ANK2: variants seen among roughly 807,000 people sequenced by gnomAD.
ANK2 encodes ankyrin 2, also known as ankyrin-2.
A neutral mutation model predicts 360.5 loss-of-function variants in ANK2; 83 were observed. That is an observed-to-expected ratio of 0.23 (90% CI 0.19 to 0.28). The LOEUF is 0.28. ANK2 is among the 10% of genes least tolerant of loss of function. The pLI, the probability that ANK2 is intolerant of heterozygous loss-of-function variation, is 1.00. For synonymous variants in ANK2, 1,740 were observed against 1,759.5 expected (o/e 0.99, Z 0.28); for missense variants, 4,201 against 4,795.7 (o/e 0.88, Z 3.66).
intron 32 of ANK2, 76 bp from the exon 33 acceptor site, chr4:113,341,612 A>C: frequency 6.8e-7 from 1 of 1,459,972 alleles, no homozygotes; most frequent in Non-Finnish European, 9.6e-7. Flanking sequence ...TACTTTGATC[A>C]TATTGAAGGA....
intron 1 of ANK2, among the ~76,000 whole-genome samples, chr4:113,136,288 G>T (rs1479465245): frequency 2.6e-5 from 4 of 152,198 alleles, no homozygotes; most frequent in Non-Finnish European, 4.4e-5. Context: ...GCCAGGCAGG[G>T]CTTCCAAGAG....
At chr4:113,160,668 A>G (rs918930443) in intron 1 of ANK2, among the ~76,000 whole-genome samples, 4 of 152,194 alleles carry the variant, frequency 2.6e-5, no homozygotes, top group African/African-American at 9.7e-5. Context: ...TGTGCTGGAC[A>G]GTGGAAATAA....
At chr4:112,712,407 T>TATA in the ANK2 span, among the ~76,000 whole-genome samples, 85 of 42,778 alleles carry the variant, frequency 2.0e-3, 1 homozygote, top group African/African-American at 4.9e-3. Flanking sequence ...TATATATATA[T>TATA]TTTTTTTTTT....
At chr4:113,117,429 C>T (rs2094922463) in intron 1 of ANK2, 2 of 456,176 alleles carry the variant, frequency 4.4e-6, no homozygotes, top group South Asian at 3.1e-5. Flanking sequence ...GTATGAGGAG[C>T]ATCCTTTTAA....
At chr4:112,840,522 G>A (rs1002467877) in intron 1 of ANK2, among the ~76,000 whole-genome samples, 1 of 152,138 alleles carries the variant, frequency 6.6e-6, no homozygotes, top group Non-Finnish European at 1.5e-5. Flanking sequence ...TGGATGCGGG[G>A]ATAAGGGCCA....
intron 1 of ANK2, among the ~76,000 whole-genome samples, chr4:113,157,065 A>T (rs1300698496): frequency 6.6e-6 from 1 of 152,126 alleles, no homozygotes; most frequent in Non-Finnish European, 1.5e-5. Flanking sequence ...TTAAGGTTTT[A>T]TAACCTAAAG....
chr4:112,910,828 A>G (rs1052850211), intron 2 of ANK2, among the ~76,000 whole-genome samples: 1 of 152,352 alleles, frequency 6.6e-6, no homozygotes, highest in Non-Finnish European at 1.5e-5. Context: ...ATGTTGAAAG[A>G]GAATTCTATA....
At chr4:112,937,887 G>A (rs995662010) in intron 2 of ANK2, among the ~76,000 whole-genome samples, 1 of 152,124 alleles carries the variant, frequency 6.6e-6, no homozygotes, top group African/African-American at 2.4e-5. Context: ...TAGTGGCCTT[G>A]GGCAAGTTAT....
At chr4:112,904,578 G>A (rs975362086) in intron 2 of ANK2, 13 of 1,225,024 alleles carry the variant, frequency 1.1e-5, no homozygotes, top group Non-Finnish European at 4.5e-6. Flanking sequence ...AGGTTAGAAT[G>A]TAATTAAGTA....
intron 1 of ANK2, among the ~76,000 whole-genome samples, chr4:112,889,045 GC>G (rs1387981547): frequency 6.6e-6 from 1 of 152,064 alleles, no homozygotes; most frequent in Non-Finnish European, 1.5e-5. Context: ...AATATCAAAT[GC>G]AATTACAAAA....
At chr4:113,305,434 A>G (rs1038276627) in intron 23 of ANK2, among the ~76,000 whole-genome samples, 4 of 151,908 alleles carry the variant, frequency 2.6e-5, no homozygotes, top group Non-Finnish European at 5.9e-5. Flanking sequence ...TAAAAATGTT[A>G]TATATTAAAT....
At chr4:113,007,912 A>T (rs1405209378) in intron 2 of ANK2, among the ~76,000 whole-genome samples, 2 of 152,188 alleles carry the variant, frequency 1.3e-5, no homozygotes, top group Admixed American at 6.5e-5. Context: ...CATAAATTGC[A>T]TAGTTCTGTT....
At chr4:113,330,732 A>G (rs989418521) in intron 27 of ANK2, among the ~76,000 whole-genome samples, 2 of 152,164 alleles carry the variant, frequency 1.3e-5, no homozygotes, top group Admixed American at 6.5e-5. Flanking sequence ...CAGACCCCCA[A>G]TGTGAATAAC....
At chr4:112,710,907 A>G in the ANK2 span, among the ~76,000 whole-genome samples, 1 of 137,452 alleles carries the variant, frequency 7.3e-6, no homozygotes, top group Non-Finnish European at 1.5e-5. Flanking sequence ...CAGGTTTTAT[A>G]TATATATATA....
At chr4:112,759,525 C>T in the ANK2 span, among the ~76,000 whole-genome samples, 1 of 152,082 alleles carries the variant, frequency 6.6e-6, no homozygotes, top group Admixed American at 6.6e-5. Context: ...AGAATAAAGA[C>T]AGAAGTTGCA....
Position 113,279,082 on chromosome 4 carries a change from C to T in ANK2, c.1881+524C>T, listed in dbSNP as rs2061295652. 2.6e-5 allele frequency among the ~76,000 whole-genome samples: 4 copies of T among 151,980 alleles called. No individual in the cohort carries two copies. In the South Asian group the frequency reaches 8.3e-4, roughly 32 times the overall value. Reference sequence around the variant, plus strand: ...TTGGTGTATATCTAGCACCAAATTCCGAAACAGCTCCAACTAAGACTTGTA... The same window carrying T: ...TTGGTGTATATCTAGCACCAAATTCTGAAACAGCTCCAACTAAGACTTGTA... On this transcript the variant is annotated intron_variant, in intron 17 of 45. Coordinates refer to ENST00000357077, the MANE Select transcript of ANK2 (RefSeq NM_001148.6).
intron 18 of ANK2, among the ~76,000 whole-genome samples, chr4:113,286,408 A>G (rs2064616325): frequency 6.6e-6 from 1 of 152,224 alleles, no homozygotes; most frequent in Non-Finnish European, 1.5e-5. Context: ...CCCACAAGGA[A>G]AAAGCCTCCT....
chr4:113,361,005 TGAAAA>T (rs2096183797), intron 39 of ANK2, 108 bp downstream of exon 39: 2 of 1,010,676 alleles, frequency 2.0e-6, no homozygotes, highest in Non-Finnish European at 3.0e-6. Context: ...AAAGAATACA[TGAAAA>T]GAAGAATAAA....
chr4:113,285,723 G>A (rs2064227935), intron 18 of ANK2, among the ~76,000 whole-genome samples: 3 of 152,128 alleles, frequency 2.0e-5, no homozygotes, highest in Non-Finnish European at 4.4e-5. Flanking sequence ...ATTCCCCCAG[G>A]ATATAGGATG....
Sources: allele counts gnomAD v4.1 joint callset (sites outside exome capture counted in the v4.1 genomes callset), GRCh38; gene constraint gnomAD v4.1.1; transcripts MANE v1.5; gene names NCBI Gene and HGNC (gene_info 2026-07-23, HGNC 2026-07-21).